Variants in PLPPR1 observed in about 807,000 individuals in gnomAD.
PLPPR1 encodes phospholipid phosphatase-related protein type 1.
A neutral mutation model predicts 33.1 loss-of-function variants in PLPPR1; 10 were observed. The observed-to-expected ratio is 0.30, with a 90% confidence interval of 0.19 to 0.51. The LOEUF is 0.51. Ranked by LOEUF, PLPPR1 falls within the 20% of genes least tolerant of loss-of-function variation. The probability of loss-of-function intolerance (pLI) is 0.97; values close to 1 mark genes in which losing one functional copy is unlikely to be tolerated. For missense variants in PLPPR1, 304 were observed against 408.1 expected, an observed-to-expected ratio of 0.74 and a Z score of 2.20; for synonymous variants, 151 against 151.0, an observed-to-expected ratio of 1.00 and a Z score of 0.00.
intron 1 of PLPPR1, among the ~76,000 whole-genome samples, chr9:101,079,930 C>T (rs1830598394): frequency 6.6e-6 from 1 of 152,124 alleles, no homozygotes; most frequent in African/African-American, 2.4e-5. Context: ...CTGGAAGTTT[C>T]TGGCATCTTT....
At chr9:101,220,355 G>T (rs1458573817) in intron 2 of PLPPR1, among the ~76,000 whole-genome samples, 1 of 152,210 alleles carries the variant, frequency 6.6e-6, no homozygotes, top group Non-Finnish European at 1.5e-5. Context: ...ATAAAAGGAT[G>T]TTATTAAATC....
At chr9:101,254,211 A>C (rs192003351) in intron 2 of PLPPR1, among the ~76,000 whole-genome samples, 27 of 151,800 alleles carry the variant, frequency 1.8e-4, no homozygotes, top group African/African-American at 6.5e-4. Flanking sequence ...TATACAACTC[A>C]CCATACGTAG....
chr9:101,070,473 C>T (rs971054759), intron 1 of PLPPR1, among the ~76,000 whole-genome samples: 1 of 151,876 alleles, frequency 6.6e-6, no homozygotes, highest in Non-Finnish European at 1.5e-5. Context: ...TAAAGGAACT[C>T]GAAGCAGGTC....
At chr9:101,228,834 G>A (rs568655272) in intron 2 of PLPPR1, among the ~76,000 whole-genome samples, 1 of 152,210 alleles carries the variant, frequency 6.6e-6, no homozygotes, top group African/African-American at 2.4e-5. Flanking sequence ...TGGGAGAGTA[G>A]ATTGACTAGA....
Position 101,238,123 on chromosome 9 carries a change from A to G in PLPPR1, c.64-31757A>G, listed in dbSNP as rs1360381307. Among the ~76,000 whole-genome samples the G allele has an allele frequency of 4.3e-5, 6 of 138,320 alleles. No individual in the cohort carries two copies. In the East Asian group the frequency reaches 9.0e-4, roughly 21 times the overall value. The allele number at this position is 138,320 out of a possible 152,430, so 90.7% of individuals were successfully genotyped here. A position where few individuals can be genotyped will look rare whatever the true frequency, so the allele number is the denominator to read the frequency against. ...ATATATAGCCTATATACGTGTGTGT[A>G]TATATATACATATACACACATATAT... On this transcript the variant is annotated intron_variant, in intron 2 of 7. Coordinates refer to ENST00000374874, the MANE Select transcript of PLPPR1 (RefSeq NM_207299.2).
intron 6 of PLPPR1, 102 bp from the exon 7 acceptor site, chr9:101,317,263 C>T (rs1829072507): frequency 7.9e-7 from 1 of 1,271,188 alleles, no homozygotes; most frequent in African/African-American, 1.5e-5. Context: ...AAAAAGGTCA[C>T]TCTGGTGATG....
intron 1 of PLPPR1, among the ~76,000 whole-genome samples, chr9:101,139,829 G>A (rs1425441002): frequency 2.6e-5 from 4 of 152,126 alleles, no homozygotes; most frequent in Non-Finnish European, 5.9e-5. Context: ...CACATGCACA[G>A]TCTCCCTAGA....
intron 1 of PLPPR1, among the ~76,000 whole-genome samples, chr9:101,169,655 C>T (rs770065424): frequency 2.7e-5 from 4 of 150,370 alleles, no homozygotes; most frequent in Non-Finnish European, 5.9e-5. Flanking sequence ...TAGATGAACT[C>T]AGACTTTTAA....
At chr9:101,079,717 T>C (rs901253140) in intron 1 of PLPPR1, among the ~76,000 whole-genome samples, 14 of 152,062 alleles carry the variant, frequency 9.2e-5, no homozygotes, top group Non-Finnish European at 1.0e-4. Flanking sequence ...GTAGCTGGGA[T>C]TACAGGTGTG....
At chr9:101,271,900 A>G (rs998998522) in intron 3 of PLPPR1, among the ~76,000 whole-genome samples, 8 of 152,192 alleles carry the variant, frequency 5.3e-5, no homozygotes, top group African/African-American at 1.9e-4. Flanking sequence ...TTTTAAAAAA[A>G]TATAAAAAAG....
chr9:101,141,141 G>A (rs1020414471), intron 1 of PLPPR1, among the ~76,000 whole-genome samples: 7 of 152,072 alleles, frequency 4.6e-5, no homozygotes, highest in South Asian at 2.1e-4. Flanking sequence ...ATTACCAACC[G>A]TGAAGAACAT....
intron 4 of PLPPR1, among the ~76,000 whole-genome samples, chr9:101,293,795 C>T (rs1421414836): frequency 2.0e-5 from 3 of 151,966 alleles, no homozygotes; most frequent in African/African-American, 4.8e-5. Context: ...CTGGGACACA[C>T]TCAAAGTAGT....
At chr9:101,260,146 A>G (rs1484999560) in intron 2 of PLPPR1, among the ~76,000 whole-genome samples, 3 of 152,050 alleles carry the variant, frequency 2.0e-5, no homozygotes, top group African/African-American at 7.2e-5. Flanking sequence ...TCCTAAGAAC[A>G]CTAATCCTAT....
chr9:101,049,159 T>C (rs913820220), intron 1 of PLPPR1, among the ~76,000 whole-genome samples: 8 of 152,264 alleles, frequency 5.3e-5, no homozygotes, highest in Non-Finnish European at 8.8e-5. Context: ...TGTGAATTAC[T>C]ATAACAGTTT....
intron 1 of PLPPR1, among the ~76,000 whole-genome samples, chr9:101,129,582 A>T (rs905801685): frequency 3.3e-5 from 5 of 152,242 alleles, no homozygotes; most frequent in African/African-American, 1.2e-4. Context: ...CTGTAATCCC[A>T]GCACTTTGGG....
intron 2 of PLPPR1, among the ~76,000 whole-genome samples, chr9:101,255,460 A>G (rs1051978197): frequency 5.9e-5 from 9 of 152,280 alleles, no homozygotes; most frequent in Non-Finnish European, 1.3e-4. Flanking sequence ...TGTTTTATAT[A>G]TATGATGTTA....
intron 1 of PLPPR1, among the ~76,000 whole-genome samples, chr9:101,109,848 C>G (rs564929435): frequency 6.6e-6 from 1 of 152,090 alleles, no homozygotes; most frequent in Non-Finnish European, 1.5e-5. Context: ...TATATAATAT[C>G]TGCCACTGGG....
chr9:101,252,710 A>G (rs973697300), intron 2 of PLPPR1, among the ~76,000 whole-genome samples: 17 of 152,148 alleles, frequency 1.1e-4, no homozygotes, highest in African/African-American at 3.9e-4. Context: ...TGGAGAAAGA[A>G]GAATCATGTT....
rs140868274 is a variant in PLPPR1 at position 101,043,538 on chromosome 9, C to A, written c.-46+14436C>A. On this transcript the variant is annotated intron_variant, in intron 1 of 7. Coordinates refer to ENST00000374874, the MANE Select transcript of PLPPR1 (RefSeq NM_207299.2). ...ATCAGTCACAGTTTCTTTATCCACTCGTTGACTGATGGGTATTTCGGCTGT... is the reference window on the plus strand; with the variant it reads ...ATCAGTCACAGTTTCTTTATCCACTAGTTGACTGATGGGTATTTCGGCTGT... Among the ~76,000 whole-genome samples the A allele has an allele frequency of 3.7e-4, 57 of 152,020 alleles. 1 individual carries two copies. In the South Asian group the frequency reaches 0.012, roughly 32 times the overall value.
Sources: gnomAD v4.1 joint callset for allele counts (sites outside exome capture counted in the v4.1 genomes callset) on GRCh38, gnomAD v4.1.1 for gene constraint, MANE v1.5 for transcripts, NCBI Gene and HGNC (gene_info 2026-07-23, HGNC 2026-07-21) for gene names.